Variants in ARHGAP18 observed in about 807,000 individuals in gnomAD.
The protein encoded by ARHGAP18 is Rho GTPase activating protein 18, also known as rho GTPase-activating protein 18.
A neutral mutation model predicts 86.2 loss-of-function variants in ARHGAP18; 67 were observed. The ratio of observed to expected loss-of-function variants is 0.78; its 90% confidence interval spans 0.64 to 0.95. The LOEUF is 0.95. Among genes scored for constraint, ARHGAP18 ranks in the 40% least tolerant of loss-of-function variants. The pLI is 0.00. For missense variants in ARHGAP18, 691 were observed against 780.4 expected (o/e 0.89, Z 1.37); for synonymous variants, 283 against 280.4 (o/e 1.01, Z -0.09).
At chr6:129,592,280 G>A (rs1392905421) in intron 12 of ARHGAP18, among the ~76,000 whole-genome samples, 1 of 152,174 alleles carries the variant, frequency 6.6e-6, no homozygotes, top group African/African-American at 2.4e-5. Context: ...ATGCTTTGCA[G>A]CAAGAACTGT....
chr6:129,582,291 A>C (rs1266750240), intron 13 of ARHGAP18, among the ~76,000 whole-genome samples: 1 of 152,210 alleles, frequency 6.6e-6, no homozygotes, highest in Non-Finnish European at 1.5e-5. Flanking sequence ...TTTTCATGCT[A>C]TACCTTAAAT....
chr6:129,681,648 GAATA>G (rs1405466044), intron 1 of ARHGAP18, among the ~76,000 whole-genome samples: 2 of 151,984 alleles, frequency 1.3e-5, no homozygotes, highest in Non-Finnish European at 2.9e-5. Context: ...TGTATAAACA[GAATA>G]AATAATTCAT....
At chr6:129,637,756 T>C (rs531213990) in intron 3 of ARHGAP18, among the ~76,000 whole-genome samples, 1 of 152,340 alleles carries the variant, frequency 6.6e-6, no homozygotes, top group East Asian at 1.9e-4. Flanking sequence ...CCTTTCCCTG[T>C]CCATAAATCT....
At chr6:129,626,655 C>T (rs138989567) in intron 5 of ARHGAP18, among the ~76,000 whole-genome samples, 1 of 140,302 alleles carries the variant, frequency 7.1e-6, no homozygotes, top group Admixed American at 7.6e-5. Flanking sequence ...AGGATGTACC[C>T]CCAAAACACA....
At chr6:129,661,856 T>C in intron 1 of ARHGAP18, 3 of 985,254 alleles carry the variant, frequency 3.0e-6, no homozygotes, top group Non-Finnish European at 3.6e-6. Flanking sequence ...CAGCGAACAA[T>C]TTTCCTGGAG....
At chr6:129,708,031 T>C (rs1345175246) in intron 1 of ARHGAP18, among the ~76,000 whole-genome samples, 1 of 151,982 alleles carries the variant, frequency 6.6e-6, no homozygotes. Flanking sequence ...TCCTCCTTCC[T>C]TCTATCCATC....
At position 129,637,780 on chromosome 6, in the gene ARHGAP18, G is replaced by A. The variant is rs561505031; in HGVS notation, c.552+614C>T. Among the ~76,000 whole-genome samples, 8 of 152,240 alleles carry A rather than the reference G, an allele frequency of 5.3e-5. No individual in the cohort carries two copies. The South Asian group carries it at 1.2e-3, about 24-fold the overall frequency. ...GTCCATAAATCTTCTTTGACCACAC[G>A]GTAGCACTGGAGTCTCTCTGAATGT... is the stretch of plus-strand genomic sequence containing the variant. On this transcript the variant is annotated intron_variant, in intron 3 of 14. Coordinates refer to ENST00000368149, the MANE Select transcript of ARHGAP18 (RefSeq NM_033515.3).
At chr6:129,698,000 C>T (rs1774647772) in intron 1 of ARHGAP18, among the ~76,000 whole-genome samples, 1 of 152,202 alleles carries the variant, frequency 6.6e-6, no homozygotes, top group African/African-American at 2.4e-5. Flanking sequence ...TTGCTTTCAA[C>T]TTTCAGTTAC....
At chr6:129,613,029 C>T (rs1005486335) in intron 7 of ARHGAP18, among the ~76,000 whole-genome samples, 34 of 151,818 alleles carry the variant, frequency 2.2e-4, no homozygotes, top group Admixed American at 2.6e-4. Flanking sequence ...GTCAGGAGAT[C>T]GAGACCATCC....
Position 129,660,981 on chromosome 6 carries a change from AAAGG to A in ARHGAP18, c.114-18967_114-18964del, listed in dbSNP as rs1168285825. Among the ~76,000 whole-genome samples, 4 of 151,874 alleles carry A rather than the reference AAAGG, an allele frequency of 2.6e-5. No individual in the cohort carries two copies. The East Asian group carries it at 7.7e-4, about 29-fold the overall frequency. On this transcript the variant is annotated intron_variant, in intron 1 of 14. Transcript: ENST00000368149. The stretch of plus-strand genomic sequence containing the variant: ...TACATTAAAAACGGAACCAAGAAGA[AAAGG>A]AAGAGGAGGAGGAGAAAAAGAGGAC...
In ARHGAP18 at chr6:129,576,725, T is replaced by C. The variant is rs916728838; in HGVS notation, c.*1788A>G. 7.2e-5 allele frequency: 11 copies of C among 152,210 alleles called. No homozygotes were observed. The highest frequency in any genetic ancestry group is 2.4e-4 in the African/African-American group (10 of 41,562). The allele number at this position is 152,210 out of a possible 1,614,324, so 9.4% of individuals were successfully genotyped here. On this transcript the variant is annotated 3_prime_UTR_variant, in exon 15 of 15. Transcript: ENST00000368149. ...CTTTTACTTAAATCATTATCCTCACTGCTATCTTTTTTTTTGAAGTTGTAT... is the reference window on the plus strand; with the variant it reads ...CTTTTACTTAAATCATTATCCTCACCGCTATCTTTTTTTTTGAAGTTGTAT...
rs193085419 is a variant in ARHGAP18 at position 129,631,934 on chromosome 6, T to A, written c.616+2108A>T. 1.4e-4 allele frequency among the ~76,000 whole-genome samples: 20 copies of A among 144,046 alleles called. No individual in the cohort carries two copies. In the East Asian group the frequency reaches 3.6e-3, roughly 26 times the overall value. The allele number at this position is 144,046 out of a possible 152,430, so 94.5% of individuals were successfully genotyped here. A position where few individuals can be genotyped will look rare whatever the true frequency, so the allele number is the denominator to read the frequency against. ...TATGATTGAATGAAAAATGAACATA[T>A]TACAGTGAATTAATTTGGAATGTGA... On this transcript the variant is annotated intron_variant, in intron 4 of 14. Coordinates refer to ENST00000368149, the MANE Select transcript of ARHGAP18 (RefSeq NM_033515.3).
intron 1 of ARHGAP18, among the ~76,000 whole-genome samples, chr6:129,706,404 AAAAG>A (rs1368132769): frequency 1.3e-5 from 2 of 152,224 alleles, no homozygotes; most frequent in Non-Finnish European, 2.9e-5. Context: ...GGAAACATAC[AAAAG>A]AAAAACAGGA....
At chr6:129,608,734 AT>A (rs935850944) in intron 8 of ARHGAP18, among the ~76,000 whole-genome samples, 1 of 152,200 alleles carries the variant, frequency 6.6e-6, no homozygotes, top group African/African-American at 2.4e-5. Context: ...TGTAATTACT[AT>A]TTTTTGTATA....
At chr6:129,697,199 C>A (rs1418489760) in intron 1 of ARHGAP18, among the ~76,000 whole-genome samples, 2 of 152,174 alleles carry the variant, frequency 1.3e-5, no homozygotes, top group African/African-American at 4.8e-5. Context: ...GATAACCAAC[C>A]AGCACAAGTG....
intron 1 of ARHGAP18, among the ~76,000 whole-genome samples, chr6:129,665,943 C>T (rs1417759622): frequency 6.6e-6 from 1 of 152,136 alleles, no homozygotes; most frequent in African/African-American, 2.4e-5. Context: ...TCTATCAGGA[C>T]TTTTAATTAC....
chr6:129,635,883 A>G (rs1340099892), intron 3 of ARHGAP18, among the ~76,000 whole-genome samples: 1 of 152,180 alleles, frequency 6.6e-6, no homozygotes, highest in Non-Finnish European at 1.5e-5. Flanking sequence ...CAATCCACCA[A>G]TTACCTTGGA....
chr6:129,611,404 G>A (rs746409575), intron 8 of ARHGAP18, 129 bp downstream of exon 8: 3 of 722,380 alleles, frequency 4.2e-6, no homozygotes, highest in East Asian at 2.9e-5. Flanking sequence ...ATGGTAAAAG[G>A]TTTTATTGTT....
intron 5 of ARHGAP18, among the ~76,000 whole-genome samples, chr6:129,620,427 T>C (rs1343162355): frequency 2.6e-5 from 4 of 152,260 alleles, no homozygotes; most frequent in African/African-American, 9.6e-5. Context: ...TGTTGCTTCA[T>C]AATCACAAGC....
Sources: gnomAD v4.1 joint callset for allele counts (sites outside exome capture counted in the v4.1 genomes callset) on GRCh38, gnomAD v4.1.1 for gene constraint, MANE v1.5 for transcripts, NCBI Gene and HGNC (gene_info 2026-07-23, HGNC 2026-07-21) for gene names.